CTNND2: variants seen among roughly 807,000 people sequenced by gnomAD.
CTNND2 encodes the protein catenin delta-2.
In CTNND2, 22 loss-of-function variants were observed where a neutral mutation model predicts 144.4. That is an observed-to-expected ratio of 0.15 (90% CI 0.11 to 0.22). The LOEUF (loss-of-function observed/expected upper bound fraction) is 0.22, where lower values mean the gene tolerates loss of function less well. Among genes scored for constraint, CTNND2 ranks in the 10% least tolerant of loss-of-function variants. The pLI, the probability that CTNND2 is intolerant of heterozygous loss-of-function variation, is 1.00. For missense variants in CTNND2, 1,353 were observed against 1,618.8 expected (o/e 0.84, Z 2.82); for synonymous variants, 751 against 695.6 (o/e 1.08, Z -1.25).
Position 11,705,570 on chromosome 5 carries a change from C to T in CTNND2, c.174+26566G>A, listed in dbSNP as rs534164762. Among the ~76,000 whole-genome samples the T allele has an allele frequency of 5.3e-5, 8 of 152,264 alleles. No homozygotes were observed. The East Asian group carries it at 9.7e-4, about 18-fold the overall frequency. On this transcript the variant is annotated intron_variant, in intron 2 of 21. Transcript: ENST00000304623. ...AGTAGTGAGAGAGGGGTTAATGTGA[C>T]GCTTCTACTCTTTGCTTTATTCATA...
At chr5:11,691,328 C>T (rs1000293857) in intron 2 of CTNND2, among the ~76,000 whole-genome samples, 6 of 151,506 alleles carry the variant, frequency 4.0e-5, no homozygotes, top group East Asian at 3.9e-4. Flanking sequence ...GCCGAGATTG[C>T]GCCACTTCAC....
intron 9 of CTNND2, among the ~76,000 whole-genome samples, chr5:11,305,086 C>T (rs1458907905): frequency 6.6e-6 from 1 of 152,236 alleles, no homozygotes; most frequent in East Asian, 1.9e-4. Context: ...GCCTTGCTCC[C>T]TTCAGAGGTG....
intron 9 of CTNND2, among the ~76,000 whole-genome samples, chr5:11,291,786 G>C (rs1212447127): frequency 6.6e-6 from 1 of 152,058 alleles, no homozygotes; most frequent in Admixed American, 6.6e-5. Context: ...GTACAAAATA[G>C]GCAGGCAATA....
At chr5:11,349,701 T>C (rs1755139389) in intron 8 of CTNND2, among the ~76,000 whole-genome samples, 2 of 152,222 alleles carry the variant, frequency 1.3e-5, no homozygotes, top group South Asian at 4.1e-4. Context: ...TATTGAAAAA[T>C]ATTACAAACT....
intron 12 of CTNND2, among the ~76,000 whole-genome samples, chr5:11,151,206 G>A (rs1361945295): frequency 2.0e-5 from 3 of 152,208 alleles, no homozygotes; most frequent in African/African-American, 7.2e-5. Context: ...GAGAGGCTGG[G>A]TACGTAAGCA....
chr5:11,187,167 G>A (rs1319642455), intron 11 of CTNND2, among the ~76,000 whole-genome samples: 1 of 152,114 alleles, frequency 6.6e-6, no homozygotes, highest in East Asian at 1.9e-4. Context: ...GGGGTATTAA[G>A]CTTGACTTAC....
At chr5:11,826,085 G>A (rs1490196858) in intron 1 of CTNND2, among the ~76,000 whole-genome samples, 1 of 151,880 alleles carries the variant, frequency 6.6e-6, no homozygotes. Flanking sequence ...AAAAGTCAAG[G>A]TAAAGGAAAA....
chr5:11,892,937 T>C (rs1256908790), intron 1 of CTNND2, among the ~76,000 whole-genome samples: 1 of 152,196 alleles, frequency 6.6e-6, no homozygotes, highest in Non-Finnish European at 1.5e-5. Context: ...AAGACTAACA[T>C]GCTATAAAAT....
At chr5:11,490,469 A>G (rs1309703064) in intron 3 of CTNND2, among the ~76,000 whole-genome samples, 1 of 152,220 alleles carries the variant, frequency 6.6e-6, no homozygotes, top group South Asian at 2.1e-4. Flanking sequence ...TAGGCACTAA[A>G]TAAAAGATCT....
chr5:11,872,488 A>G (rs918862667), intron 1 of CTNND2, among the ~76,000 whole-genome samples: 3 of 152,154 alleles, frequency 2.0e-5, no homozygotes, highest in Non-Finnish European at 4.4e-5. Context: ...GAACTAATTG[A>G]CACTCCTATT....
At chr5:11,016,385 T>G (rs765973739) in intron 18 of CTNND2, among the ~76,000 whole-genome samples, 6 of 152,232 alleles carry the variant, frequency 3.9e-5, no homozygotes, top group Non-Finnish European at 8.8e-5. Flanking sequence ...AGAAAGGCCT[T>G]GGGGGAAATC....
intron 2 of CTNND2, among the ~76,000 whole-genome samples, chr5:11,656,947 G>A (rs1354881313): frequency 1.3e-5 from 2 of 152,066 alleles, no homozygotes; most frequent in South Asian, 2.1e-4. Flanking sequence ...TTCAACAAAC[G>A]CTCTAAGGGC....
chr5:11,037,327 C>A (rs544594359), intron 16 of CTNND2, among the ~76,000 whole-genome samples: 1 of 152,296 alleles, frequency 6.6e-6, no homozygotes, highest in African/African-American at 2.4e-5. Context: ...ATCCTAAATA[C>A]CCCTGCCAAA....
At chr5:11,765,542 CAATG>C (rs1171768643) in intron 1 of CTNND2, among the ~76,000 whole-genome samples, 1 of 152,160 alleles carries the variant, frequency 6.6e-6, no homozygotes, top group Admixed American at 6.5e-5. Flanking sequence ...TAAAAACTGA[CAATG>C]AAGTAAAATA....
intron 16 of CTNND2, among the ~76,000 whole-genome samples, chr5:11,044,854 G>A (rs1745067316): frequency 6.6e-6 from 1 of 152,236 alleles, no homozygotes. Context: ...AGCAGAGCTG[G>A]AGAAAAATGT....
At chr5:11,377,202 C>T (rs578072141) in intron 7 of CTNND2, among the ~76,000 whole-genome samples, 2 of 151,912 alleles carry the variant, frequency 1.3e-5, no homozygotes, top group South Asian at 2.1e-4. Flanking sequence ...AGGCACGCGC[C>T]GCCACACCTG....
intron 2 of CTNND2, among the ~76,000 whole-genome samples, chr5:11,619,145 T>C (rs1332925048): frequency 1.3e-5 from 2 of 152,184 alleles, no homozygotes; most frequent in African/African-American, 4.8e-5. Context: ...CAGTGGCTCA[T>C]GCCTGTAACC....
At chr5:11,206,665 A>G (rs912497288) in intron 10 of CTNND2, among the ~76,000 whole-genome samples, 2 of 152,254 alleles carry the variant, frequency 1.3e-5, no homozygotes, top group African/African-American at 4.8e-5. Flanking sequence ...TTATTTCCAC[A>G]TTTAGATATT....
rs199506424 is a variant in CTNND2 at position 11,384,853 on chromosome 5, C to A, written c.989G>T (p.Arg330Leu). ...CTGCACGGTGGGGGGCGAGGTCACG[C>A]GGATCGGGGACAGGCCGGCCGAGGA... Reference protein sequence around the residue: ...VVSSAGLSPIRVTSPPTVQST... With the variant: ...VVSSAGLSPILVTSPPTVQST... Residue 330 changes from arginine (R) to leucine (L), a missense_variant, in exon 7 of 22, where the codon CGC becomes CTC. Around this residue, in one of 4 missense-constraint regions of CTNND2, gnomAD observed 708 missense variants for 706.4 expected, o/e 1.00. Transcript: ENST00000304623. This position sits in a 1 kb window ranked among gnomAD's most constrained non-coding sequence, Gnocchi z 5.2. 7 of 1,612,622 alleles carry A rather than the reference C, an allele frequency of 4.3e-6. No homozygotes were observed. The highest frequency in any genetic ancestry group is 3.4e-6 in the Non-Finnish European group (4 of 1,179,622).
Sources: gnomAD v4.1 joint callset for allele counts (sites outside exome capture counted in the v4.1 genomes callset) on GRCh38, gnomAD v4.1.1 for gene constraint, gnomAD v4.1.1 regional missense constraint, Gnocchi (gnomAD v3.1) non-coding constraint, MANE v1.5 for transcripts, NCBI Gene and HGNC (gene_info 2026-07-23, HGNC 2026-07-21) for gene names.